The following FRMD3 variants were observed in gnomAD, a reference collection of about 807,000 sequenced individuals.
The protein encoded by FRMD3 is FERM domain containing 3.
FRMD3 carries 33 observed loss-of-function variants against 70.2 expected under a neutral mutation model. The ratio of observed to expected loss-of-function variants is 0.47; its 90% CI spans 0.36 to 0.63. The LOEUF (loss-of-function observed/expected upper bound fraction) is 0.63. Ranked by LOEUF, FRMD3 falls within the 20% of genes least tolerant of loss-of-function variation. The pLI is 0.00. For synonymous variants in FRMD3, 279 were observed against 255.9 expected, an observed-to-expected ratio of 1.09 and a Z score of -0.86; for missense variants, 632 against 711.4, an observed-to-expected ratio of 0.89 and a Z score of 1.27.
chr9:83,384,979 T>A (rs573748756), intron 2 of FRMD3, among the ~76,000 whole-genome samples: 1 of 152,102 alleles, frequency 6.6e-6, no homozygotes, highest in East Asian at 1.9e-4. Flanking sequence ...CTCTAAGGCA[T>A]GGGGTGAGGG....
At chr9:83,476,801 C>T (rs550717103) in intron 1 of FRMD3, among the ~76,000 whole-genome samples, 3 of 152,302 alleles carry the variant, frequency 2.0e-5, no homozygotes, top group East Asian at 1.9e-4. Context: ...GTCCTACTAA[C>T]GAGATCAAGG....
chr9:83,529,402 TA>T (rs1402784294), intron 1 of FRMD3, among the ~76,000 whole-genome samples: 1 of 152,150 alleles, frequency 6.6e-6, no homozygotes, highest in South Asian at 2.1e-4. Flanking sequence ...GTTCTGGAAT[TA>T]GGGAGTGATT....
At chr9:83,244,144 A>AAAAAG (rs1554674740), downstream of FRMD3, among the ~76,000 whole-genome samples, 3 of 150,434 alleles carry the variant, frequency 2.0e-5, no homozygotes, top group South Asian at 2.1e-4. Context: ...CAAAAAAAAA[A>AAAAAG]AAGTGGAATC....
chr9:83,584,503 A>G, the FRMD3 span, among the ~76,000 whole-genome samples: 1 of 152,044 alleles, frequency 6.6e-6, no homozygotes, highest in Non-Finnish European at 1.5e-5. Context: ...TAGAGTGAGG[A>G]AGTCCAGCGA....
rs186575211 is a variant in FRMD3 at position 83,529,521 on chromosome 9, G to A, written c.147+8564C>T. 1.1e-3 allele frequency among the ~76,000 whole-genome samples: 168 copies of A among 152,256 alleles called. 1 individual carries two copies. Among genetic ancestry groups the A allele is most frequent in the African/African-American group, 3.8e-3 (159 of 41,550 alleles). On this transcript the variant is annotated intron_variant, in intron 1 of 13. Coordinates refer to ENST00000304195, the MANE Select transcript of FRMD3 (RefSeq NM_174938.6). ...GTATCAATTTTAAAAATGGATCAAA[G>A]TCCTAAATGTAAGAGCTAAAACTAT...
intron 13 of FRMD3, among the ~76,000 whole-genome samples, chr9:83,268,253 G>A (rs187339010): frequency 6.6e-6 from 1 of 150,474 alleles, no homozygotes; most frequent in Non-Finnish European, 1.5e-5. Context: ...TGAAACAAAG[G>A]TTTATTCAGA....
intron 4 of FRMD3, among the ~76,000 whole-genome samples, chr9:83,344,068 G>C (rs1446971312): frequency 6.6e-6 from 1 of 152,246 alleles, no homozygotes; most frequent in Non-Finnish European, 1.5e-5. Context: ...CAGCAGAGCA[G>C]TGTGCCAGGT....
chr9:83,295,233 G>T (rs1275862475), intron 12 of FRMD3, among the ~76,000 whole-genome samples: 12 of 152,118 alleles, frequency 7.9e-5, no homozygotes, highest in Non-Finnish European at 1.5e-5. Flanking sequence ...TGTAAGATGG[G>T]CAAGAAAAAT....
intron 3 of FRMD3, among the ~76,000 whole-genome samples, chr9:83,368,477 T>A (rs2131245749): frequency 6.6e-6 from 1 of 151,640 alleles, no homozygotes; most frequent in African/African-American, 2.4e-5. Flanking sequence ...GACTACAGGC[T>A]ATGTTAATTT....
At chr9:83,288,786 T>G (rs954023993) in intron 13 of FRMD3, among the ~76,000 whole-genome samples, 4 of 152,266 alleles carry the variant, frequency 2.6e-5, no homozygotes, top group Non-Finnish European at 4.4e-5. Flanking sequence ...TATTTAGCAG[T>G]GGAACCTCAT....
intron 1 of FRMD3, among the ~76,000 whole-genome samples, chr9:83,501,712 A>G (rs1829073292): frequency 6.6e-6 from 1 of 152,214 alleles, no homozygotes; most frequent in Non-Finnish European, 1.5e-5. Context: ...GATGATTGGT[A>G]TGTAACAAGC....
At chr9:83,363,679 T>C (rs953260164) in intron 3 of FRMD3, among the ~76,000 whole-genome samples, 23 of 150,696 alleles carry the variant, frequency 1.5e-4, no homozygotes, top group Middle Eastern at 6.9e-3. Context: ...CTCAGCCTCC[T>C]GAGTAGCTGG....
intron 2 of FRMD3, among the ~76,000 whole-genome samples, chr9:83,381,812 G>C (rs936854402): frequency 6.6e-6 from 1 of 152,090 alleles, no homozygotes; most frequent in Non-Finnish European, 1.5e-5. Context: ...GGACCAGATA[G>C]TAAATATTTT....
intron 1 of FRMD3, among the ~76,000 whole-genome samples, chr9:83,429,764 AT>A (rs542272599): frequency 2.4e-4 from 36 of 151,950 alleles, no homozygotes; most frequent in Non-Finnish European, 4.6e-4. Context: ...TTTGCCCCTT[AT>A]TCTTTATCCT....
the FRMD3 span, among the ~76,000 whole-genome samples, chr9:83,546,910 T>C: frequency 5.9e-5 from 3 of 51,076 alleles, no homozygotes; most frequent in South Asian, 6.6e-4. Context: ...AAAAAGAGTA[T>C]AGATTGGTGA....
chr9:83,271,275 TGGAAA>T lies in FRMD3; in HGVS notation c.1195+19323_1195+19327del, dbSNP rs569060967. ...ATTTTAGCTAACTGCTAGCTCCAAG[TGGAAA>T]GATAATAAATTATTATTACATTCAT... is the stretch of plus-strand genomic sequence containing the variant. On this transcript the variant is annotated intron_variant, in intron 13 of 13. Transcript: ENST00000304195. 8.1e-3 allele frequency among the ~76,000 whole-genome samples: 1,241 copies of T among 152,360 alleles called. 10 individuals are homozygous for T. The highest frequency in any genetic ancestry group is 0.024 in the Middle Eastern group (7 of 294).
intron 1 of FRMD3, among the ~76,000 whole-genome samples, chr9:83,412,713 G>A (rs969620016): frequency 6.6e-6 from 1 of 152,192 alleles, no homozygotes; most frequent in Non-Finnish European, 1.5e-5. Flanking sequence ...ATATGGTCCT[G>A]GCCGGGCACG....
In FRMD3 at chr9:83,537,085, C is replaced by T. The variant is rs1433147602; in HGVS notation, c.147+1000G>A. Among the ~76,000 whole-genome samples the T allele has an allele frequency of 6.6e-6, 1 of 152,032 alleles. No individual in the cohort carries two copies. The highest frequency in any genetic ancestry group is 1.5e-5 in the Non-Finnish European group (1 of 68,004). ...TGACACAACCTTTCCTGATTGTGTGCGCACCGAGTGGGGCATCTTTGGGGT... is the reference window on the plus strand; with the variant it reads ...TGACACAACCTTTCCTGATTGTGTGTGCACCGAGTGGGGCATCTTTGGGGT... On this transcript the variant is annotated intron_variant, in intron 1 of 13. Coordinates refer to ENST00000304195, the MANE Select transcript of FRMD3 (RefSeq NM_174938.6). This position sits in a 1 kb window ranked among gnomAD's most constrained non-coding sequence, Gnocchi z 4.1.
chr9:83,262,478 C>T (rs1283613342), intron 13 of FRMD3, among the ~76,000 whole-genome samples: 1 of 152,198 alleles, frequency 6.6e-6, no homozygotes, highest in East Asian at 1.9e-4. Context: ...TAACTGGTTT[C>T]CTTGATTTCA....
Sources: allele counts gnomAD v4.1 joint callset (sites outside exome capture counted in the v4.1 genomes callset), GRCh38; gene constraint gnomAD v4.1.1; non-coding constraint Gnocchi (gnomAD v3.1); transcripts MANE v1.5; gene names NCBI Gene and HGNC (gene_info 2026-07-23, HGNC 2026-07-21).